The following NCSTN variants were observed in gnomAD, a reference collection of about 807,000 sequenced individuals.
NCSTN encodes anterior pharynx-defective 2.
A neutral mutation model predicts 87.0 loss-of-function variants in NCSTN; 22 were observed. The observed-to-expected ratio is 0.25, with a 90% CI of 0.18 to 0.36. The LOEUF is 0.36. Among genes scored for constraint, NCSTN ranks in the 10% least tolerant of loss-of-function variants. NCSTN has a pLI of 1.00. For missense variants in NCSTN, 693 were observed against 883.3 expected, an observed-to-expected ratio of 0.78 and a Z score of 2.73; for synonymous variants, 306 against 327.1, an observed-to-expected ratio of 0.94 and a Z score of 0.69.
intron 1 of NCSTN, chr1:160,343,944 C>A: frequency 5.1e-6 from 1 of 195,932 alleles, no homozygotes; most frequent in Non-Finnish European, 1.0e-5. Context: ...GTCCCCCTGC[C>A]TTGCCTCAGG....
chr1:160,345,069 G>A, intron 2 of NCSTN: 1 of 583,616 alleles, frequency 1.7e-6, no homozygotes, highest in Non-Finnish European at 3.1e-6. Flanking sequence ...CACAAAATAG[G>A]TCTTACTGTT....
At chr1:160,350,881 A>G (rs1334703797) in intron 5 of NCSTN, among the ~76,000 whole-genome samples, 2 of 152,138 alleles carry the variant, frequency 1.3e-5, no homozygotes, top group Non-Finnish European at 2.9e-5. Context: ...AAGCTGTGTC[A>G]TATCTGATTT....
In NCSTN at chr1:160,352,045, T is replaced by C; in HGVS notation, c.844-9T>C. On this transcript the variant is annotated splice_polypyrimidine_tract_variant and intron_variant, in intron 7 of 16. Transcript: ENST00000294785. Reference sequence around the variant, plus strand: ...ATATATCCCCTGACTTTTCTTCTGTTGTACCTAGCTGGATAGTCGTTCCTT... The same window carrying C: ...ATATATCCCCTGACTTTTCTTCTGTCGTACCTAGCTGGATAGTCGTTCCTT... 9 of 1,614,158 alleles carry C rather than the reference T, an allele frequency of 5.6e-6. No homozygotes were observed. Among genetic ancestry groups the C allele is most frequent in the Non-Finnish European group, 7.6e-6 (9 of 1,179,974 alleles).
Position 160,348,982 on chromosome 1 carries a change from T to G in NCSTN, c.191-17T>G. 7 of 1,614,174 alleles carry G rather than the reference T, an allele frequency of 4.3e-6. No homozygotes were observed. Among genetic ancestry groups the G allele is most frequent in the Non-Finnish European group, 5.9e-6 (7 of 1,180,020 alleles). ...TTAACTATGGGAGCTTTAATTTGAC[T>G]CATTCTGTCCTGGCAGCTTCAATTA... On this transcript the variant is annotated splice_polypyrimidine_tract_variant and intron_variant, in intron 2 of 16. Transcript: ENST00000294785.
At position 160,352,067 on chromosome 1, in the gene NCSTN, C is replaced by T. The variant is rs1361378476; in HGVS notation, c.857C>T (p.Ser286Phe). ...VVAATRLDSR[S>F]FFWNVAPGAE... Reference sequence around the variant, plus strand: ...TGTTGTACCTAGCTGGATAGTCGTTCCTTTTTCTGGAATGTGGCCCCAGGG... The same window carrying T: ...TGTTGTACCTAGCTGGATAGTCGTTTCTTTTTCTGGAATGTGGCCCCAGGG... Residue 286 changes from serine to phenylalanine, a missense_variant, in exon 8 of 17, where the codon TCC becomes TTC. By Grantham distance (155) the Ser-to-Phe change is radical. This residue lies in a region of NCSTN where 134 missense variants were observed against 226.0 expected (regional missense o/e 0.59). Transcript: ENST00000294785. 1.9e-6 allele frequency: 3 copies of T among 1,614,074 alleles called. No homozygotes were observed.
chr1:160,354,900 A>G (rs918151853), intron 11 of NCSTN, among the ~76,000 whole-genome samples: 10 of 152,184 alleles, frequency 6.6e-5, no homozygotes, highest in Non-Finnish European at 1.2e-4. Flanking sequence ...CGAGGGCCAA[A>G]TGAGTTTCGT....
rs1198089728 is a variant in NCSTN, at chr1:160,358,236, A to C, written c.2095A>C (p.Ile699Leu). Residue 699 changes from isoleucine (I) to leucine (L), a missense_variant, in exon 17 of 17, where the codon ATT (isoleucine) becomes CTT (leucine). Physicochemically the swap from Ile to Leu is conservative, Grantham distance 5. This residue lies in a region of NCSTN where 216 missense variants were observed against 311.7 expected (regional missense o/e 0.69). Coordinates refer to ENST00000294785, the MANE Select transcript of NCSTN (RefSeq NM_015331.3). The part of the protein sequence containing the change: ...CINAKADVLF[I>L]APREPGAVSY Reference sequence around the variant, plus strand: ...CAATGCCAAAGCTGATGTCCTTTTCATTGCTCCCCGGGAGCCAGGAGCTGT... The same window carrying C: ...CAATGCCAAAGCTGATGTCCTTTTCCTTGCTCCCCGGGAGCCAGGAGCTGT... 9 of 1,613,544 alleles carry C rather than the reference A, an allele frequency of 5.6e-6. No individual in the cohort carries two copies. Among genetic ancestry groups the C allele is most frequent in the Non-Finnish European group, 8.5e-7 (1 of 1,179,934 alleles).
chr1:160,349,351 C>T, intron 3 of NCSTN, 198 bp from the exon 4 acceptor site: 1 of 912,126 alleles, frequency 1.1e-6, no homozygotes, highest in African/African-American at 1.6e-5. Flanking sequence ...TCCCCTCCCT[C>T]CCTGGGGTCC....
At chr1:160,353,454 C>G (rs1648974941) in intron 10 of NCSTN, 8 of 1,442,162 alleles carry the variant, frequency 5.5e-6, no homozygotes, top group African/African-American at 1.4e-5. Flanking sequence ...CTGGGTAGTT[C>G]TCTGATCATT....
At chr1:160,344,413 A>C (rs1307798500) in intron 1 of NCSTN, 1 of 1,426,288 alleles carries the variant, frequency 7.0e-7, no homozygotes. Context: ...TCACCTGTGC[A>C]ACCAGAATCT....
chr1:160,354,167 C>G lies in NCSTN; in HGVS notation c.1229C>G (p.Ala410Gly). 1.9e-6 allele frequency: 3 copies of G among 1,614,174 alleles called. No homozygotes were observed. In the South Asian group the frequency reaches 3.3e-5, roughly 18 times the overall value. The change falls in exon 11 of 17, where the codon GCT becomes GGT. Residue 410 changes from alanine to glycine, a missense_variant. By Grantham distance (60) the Ala-to-Gly change is moderately conservative. Transcript: ENST00000294785. ...TLEKSGAGVPAVILRRPNQSQ... is the reference protein window; with the variant it reads ...TLEKSGAGVPGVILRRPNQSQ... ...GAGAAGAGTGGTGCTGGTGTCCCTGCTGTCATCCTCAGGAGGCCAAATCAG... is the reference window on the plus strand; with the variant it reads ...GAGAAGAGTGGTGCTGGTGTCCCTGGTGTCATCCTCAGGAGGCCAAATCAG...
Position 160,358,695 on chromosome 1 carries a change from T to G in NCSTN, c.*424T>G, listed in dbSNP as rs1473019492. 1 of 294,170 alleles carries G rather than the reference T, an allele frequency of 3.4e-6. No individual in the cohort carries two copies. The highest frequency in any genetic ancestry group is 6.6e-6 in the Non-Finnish European group (1 of 150,800). 18.2% of individuals were successfully genotyped at this position (294,170 alleles called of 1,614,324 possible). A position where few individuals can be genotyped will look rare whatever the true frequency, so the allele number is the denominator to read the frequency against. On this transcript the variant is annotated 3_prime_UTR_variant, in exon 17 of 17. Coordinates refer to ENST00000294785, the MANE Select transcript of NCSTN (RefSeq NM_015331.3). ...GGACATAAAAGGTTTAATGTCAGGG[T>G]CAAACTACATTGAGCCCCTGAGGAC...
chr1:160,358,073 C>A, intron 16 of NCSTN, 76 bp from the exon 17 acceptor site: 1 of 1,605,152 alleles, frequency 6.2e-7, no homozygotes, highest in South Asian at 1.1e-5. Context: ...GGCTCCAAAC[C>A]CCAAACAGTT....
At chr1:160,347,620 G>C (rs1391980988) in intron 2 of NCSTN, among the ~76,000 whole-genome samples, 1 of 152,094 alleles carries the variant, frequency 6.6e-6, no homozygotes, top group African/African-American at 2.4e-5. Flanking sequence ...TGGGGTGTGT[G>C]TGTGTGTGTG....
At chr1:160,343,588 C>T (rs959231740) in intron 1 of NCSTN, 107 bp downstream of exon 1, 4 of 1,048,296 alleles carry the variant, frequency 3.8e-6, no homozygotes, top group African/African-American at 1.6e-5. Flanking sequence ...CCTCTGTCCC[C>T]CCACCCTGTA....
At chr1:160,345,582 G>A (rs1475618545) in intron 2 of NCSTN, among the ~76,000 whole-genome samples, 3 of 152,108 alleles carry the variant, frequency 2.0e-5, no homozygotes, top group Non-Finnish European at 4.4e-5. Flanking sequence ...CTTGCACTCT[G>A]AACTTTTTGG....
intron 2 of NCSTN, 137 bp downstream of exon 2, chr1:160,344,963 C>G: frequency 2.6e-6 from 2 of 758,012 alleles, no homozygotes; most frequent in South Asian, 3.0e-5. Flanking sequence ...AACCGTCTGT[C>G]AAGCTAGGCA....
At chr1:160,347,139 A>G (rs146423013) in intron 2 of NCSTN, among the ~76,000 whole-genome samples, 1 of 152,344 alleles carries the variant, frequency 6.6e-6, no homozygotes, top group Non-Finnish European at 1.5e-5. Flanking sequence ...ACGTGCCAGT[A>G]CAGAGAAACA....
intron 2 of NCSTN, chr1:160,345,249 A>AT (rs912420701): frequency 7.1e-6 from 2 of 280,920 alleles, no homozygotes; most frequent in Non-Finnish European, 1.4e-5. Flanking sequence ...CTGGAGTGCA[A>AT]TGGCACGATC....
Sources: allele counts gnomAD v4.1 joint callset (sites outside exome capture counted in the v4.1 genomes callset), GRCh38; gene constraint gnomAD v4.1.1; regional missense constraint gnomAD v4.1.1; transcripts MANE v1.5; gene names NCBI Gene and HGNC (gene_info 2026-07-23, HGNC 2026-07-21).